ANO4: variants seen among roughly 807,000 people sequenced by gnomAD.
The protein encoded by ANO4 is anoctamin-4.
A neutral mutation model predicts 141.9 loss-of-function variants in ANO4; 69 were observed. The ratio of observed to expected loss-of-function variants is 0.49; its 90% CI spans 0.40 to 0.59. The LOEUF (loss-of-function observed/expected upper bound fraction) is 0.59. ANO4 is among the 20% of genes least tolerant of loss of function. ANO4 has a pLI of 0.00. For synonymous variants in ANO4, 350 were observed against 394.3 expected, an observed-to-expected ratio of 0.89 and a Z score of 1.33; for missense variants, 894 against 1,162.2, an observed-to-expected ratio of 0.77 and a Z score of 3.36.
chr12:100,964,205 T>C (rs912820428), intron 5 of ANO4, among the ~76,000 whole-genome samples: 4 of 152,156 alleles, frequency 2.6e-5, no homozygotes, highest in Non-Finnish European at 2.9e-5. Flanking sequence ...AGCTTTCTTC[T>C]TGTGAAACAG....
chr12:101,124,711 A>G (rs929419563), intron 26 of ANO4, among the ~76,000 whole-genome samples: 1 of 152,162 alleles, frequency 6.6e-6, no homozygotes. Context: ...TCCCAAAACC[A>G]TTTATTAAGT....
At chr12:100,921,555 G>A (rs1156349701) in intron 2 of ANO4, among the ~76,000 whole-genome samples, 1 of 152,244 alleles carries the variant, frequency 6.6e-6, no homozygotes, top group African/African-American at 2.4e-5. Context: ...TCGTGATAAA[G>A]CTACTTTTTG....
chr12:100,945,152 A>G (rs937202728), intron 5 of ANO4, among the ~76,000 whole-genome samples: 2 of 152,244 alleles, frequency 1.3e-5, no homozygotes, highest in Non-Finnish European at 2.9e-5. Context: ...ATGTCTAACA[A>G]TTATGAAAAA....
At chr12:101,027,206 T>C (rs891960632) in intron 9 of ANO4, among the ~76,000 whole-genome samples, 1 of 152,188 alleles carries the variant, frequency 6.6e-6, no homozygotes, top group Non-Finnish European at 1.5e-5. Flanking sequence ...CCGTGCTTTT[T>C]TCCATGGGAC....
chr12:101,071,279 G>T (rs1682512476), intron 14 of ANO4, among the ~76,000 whole-genome samples: 1 of 151,212 alleles, frequency 6.6e-6, no homozygotes, highest in African/African-American at 2.4e-5. Flanking sequence ...GTGTCCATCA[G>T]CAGATGTATA....
chr12:100,910,368 C>T (rs1328680824), intron 2 of ANO4, among the ~76,000 whole-genome samples: 1 of 152,124 alleles, frequency 6.6e-6, no homozygotes, highest in Non-Finnish European at 1.5e-5. Flanking sequence ...ATAAGATGGT[C>T]TCTCATTATG....
intron 5 of ANO4, among the ~76,000 whole-genome samples, chr12:100,964,755 C>G (rs2043576955): frequency 6.6e-6 from 1 of 152,178 alleles, no homozygotes; most frequent in Non-Finnish European, 1.5e-5. Context: ...AACAGCCTCC[C>G]TGAGTAATTT....
At chr12:101,002,978 T>C (rs1003505322) in intron 8 of ANO4, among the ~76,000 whole-genome samples, 2 of 152,224 alleles carry the variant, frequency 1.3e-5, no homozygotes, top group African/African-American at 4.8e-5. Context: ...GGTTTTTCTT[T>C]CCTCTTCCTA....
intron 5 of ANO4, 119 bp downstream of exon 5, chr12:100,942,654 C>G (rs1159895280): frequency 8.9e-7 from 1 of 1,128,102 alleles, no homozygotes; most frequent in Non-Finnish European, 1.2e-6. Flanking sequence ...CAGAGTTTTC[C>G]AGTCTTCAGA....
intron 5 of ANO4, among the ~76,000 whole-genome samples, chr12:100,948,689 C>T (rs1331033695): frequency 6.6e-6 from 1 of 152,028 alleles, no homozygotes. Context: ...GAAGGTGGCC[C>T]GCGAATGATA....
At chr12:100,895,339 T>C (rs749639566) in intron 1 of ANO4, among the ~76,000 whole-genome samples, 2 of 151,998 alleles carry the variant, frequency 1.3e-5, no homozygotes, top group Non-Finnish European at 2.9e-5. Context: ...TGGCATAGAG[T>C]CCTTCTGAAT....
chr12:100,900,156 A>G (rs2040524535), intron 1 of ANO4, among the ~76,000 whole-genome samples: 1 of 152,192 alleles, frequency 6.6e-6, no homozygotes, highest in Non-Finnish European at 1.5e-5. Context: ...CTAATATTAC[A>G]GGTGTCAGGA....
At chr12:100,923,807 TGGCTTTTTAATGATC>T (rs2041745651) in intron 3 of ANO4, among the ~76,000 whole-genome samples, 1 of 152,216 alleles carries the variant, frequency 6.6e-6, no homozygotes, top group African/African-American at 2.4e-5. Context: ...TGTTGTTTCC[TGGCTTTTTAATGATC>T]GCCATTCTAA....
At chr12:101,037,252 A>G (rs982382379) in intron 10 of ANO4, 102 bp downstream of exon 10, 17 of 1,276,020 alleles carry the variant, frequency 1.3e-5, no homozygotes, top group African/African-American at 1.5e-5. Context: ...TTTGCTCAGA[A>G]TGAATTTAAT....
At chr12:101,006,655 A>G (rs2136427104) in intron 8 of ANO4, among the ~76,000 whole-genome samples, 1 of 152,232 alleles carries the variant, frequency 6.6e-6, no homozygotes, top group East Asian at 1.9e-4. Context: ...AGCTCCTTGT[A>G]TGAACATCAT....
At chr12:100,886,820 G>GA (rs147816139) in intron 1 of ANO4, among the ~76,000 whole-genome samples, 3,786 of 152,220 alleles carry the variant, frequency 0.025, 165 homozygotes, top group African/African-American at 0.086. Context: ...GCTCTTTACA[G>GA]AAAAAAACAT....
At chr12:101,041,149 A>G (rs2047397856) in intron 11 of ANO4, among the ~76,000 whole-genome samples, 1 of 152,158 alleles carries the variant, frequency 6.6e-6, no homozygotes, top group African/African-American at 2.4e-5. Context: ...CTCATTTCCT[A>G]GACTAGCTAG....
Position 100,909,844 on chromosome 12 carries a change from T to C in ANO4, c.55+8004T>C, listed in dbSNP as rs77726931. ...TACTTAATTTCTCTGAATCTTAGTT[T>C]CTACATCAGTAAAATGAGGAAATTA... On this transcript the variant is annotated intron_variant, in intron 2 of 27. Transcript: ENST00000392977. Among the ~76,000 whole-genome samples the C allele has an allele frequency of 7.7e-3, 1,172 of 152,340 alleles. 15 individuals carry two copies. The highest frequency in any genetic ancestry group is 0.027 in the African/African-American group (1,107 of 41,576).
chr12:100,888,673 C>T (rs980278479), intron 1 of ANO4, among the ~76,000 whole-genome samples: 3 of 152,166 alleles, frequency 2.0e-5, no homozygotes, highest in Admixed American at 2.0e-4. Flanking sequence ...AGTCACCTTC[C>T]CAGGACACAG....
Sources: allele counts gnomAD v4.1 joint callset (sites outside exome capture counted in the v4.1 genomes callset), GRCh38; gene constraint gnomAD v4.1.1; transcripts MANE v1.5; gene names NCBI Gene and HGNC (gene_info 2026-07-23, HGNC 2026-07-21).